MYO15A: variants seen among roughly 807,000 people sequenced by gnomAD.
MYO15A encodes the protein unconventional myosin-XV.
A neutral mutation model predicts 394.6 loss-of-function variants in MYO15A; 308 were observed. That is an observed-to-expected ratio of 0.78 (90% CI 0.71 to 0.86). MYO15A has a LOEUF of 0.86. Ranked by LOEUF, MYO15A falls within the 40% of genes least tolerant of loss-of-function variation. The pLI, the probability that MYO15A is intolerant of heterozygous loss-of-function variation, is 0.00. For missense variants in MYO15A, 4,606 were observed against 4,799.1 expected (o/e 0.96, Z 1.19); for synonymous variants, 1,957 against 2,003.8 (o/e 0.98, Z 0.62).
chr17:18,110,159 C>T (rs573334265), intron 1 of MYO15A: 1 of 152,592 alleles, frequency 6.6e-6, no homozygotes, highest in South Asian at 2.1e-4. Context: ...CCAAGCCAAC[C>T]CCAAGACTAC....
At chr17:18,126,214 A>G in intron 4 of MYO15A, 133 bp from the exon 5 acceptor site, 2 of 760,960 alleles carry the variant, frequency 2.6e-6, no homozygotes, top group Non-Finnish European at 4.6e-6. Context: ...AGGGCTCTAG[A>G]TGGGAATCCC....
rs2046059700 is a variant in MYO15A at position 18,127,096 on chromosome 17, A to C, written c.3963A>C (p.Lys1321Asn). 6.2e-7 allele frequency: 1 copy of C among 1,613,828 alleles called. No homozygotes were observed. The highest frequency in any genetic ancestry group is 8.5e-7 in the Non-Finnish European group (1 of 1,179,966). ...IIISGESGSG[K>N]TEATKLILRY... Reference sequence around the variant, plus strand: ...TCAGTGGAGAGAGCGGCTCTGGCAAAACTGAGGCCACCAAGCTGATTCTGC... The same window carrying C: ...TCAGTGGAGAGAGCGGCTCTGGCAACACTGAGGCCACCAAGCTGATTCTGC... The change falls in exon 7 of 66, where the codon AAA (lysine) becomes AAC (asparagine). Residue 1321 changes from lysine (K) to asparagine (N), a missense_variant. Transcript: ENST00000647165.
In MYO15A at chr17:18,149,598, T is replaced by C. The variant is rs1467248064; in HGVS notation, c.7212+18T>C. 4.3e-6 allele frequency: 7 copies of C among 1,611,662 alleles called. No homozygotes were observed. The South Asian group carries it at 5.5e-5, about 13-fold the overall frequency. On this transcript the variant is annotated intron_variant, in intron 35 of 65. Transcript: ENST00000647165. ...GGGATGCGGTAGGGATGGTGTGGGG[T>C]GGGTCATTTGCAGACAGCAGGCACA...
intron 12 of MYO15A, among the ~76,000 whole-genome samples, chr17:18,133,621 T>A (rs1185062793): frequency 6.6e-6 from 1 of 152,246 alleles, no homozygotes; most frequent in African/African-American, 2.4e-5. Context: ...ATTTATGTTT[T>A]AACTTTGTTT....
Position 18,157,815 on chromosome 17 carries a change from C to G in MYO15A, c.8882C>G (p.Thr2961Arg), listed in dbSNP as rs1347316160. 1 of 1,599,538 alleles carries G rather than the reference C, an allele frequency of 6.3e-7. No individual in the cohort carries two copies. The highest frequency in any genetic ancestry group is 8.5e-7 in the Non-Finnish European group (1 of 1,178,070). The change falls in exon 51 of 66, where the codon ACG becomes AGG. Residue 2961 changes from threonine to arginine, a missense_variant. This residue lies in a region of MYO15A where 2,776 missense variants were observed against 3,109.3 expected (regional missense o/e 0.89). Transcript: ENST00000647165. ...AAAPDFLQLP[T>R]EPGRGRAAAV... Reference sequence around the variant, plus strand: ...GCCCCCGACTTCCTGCAGCTGCCAACGGAGCCAGGCCGCGGCCGAGCAGCC... The same window carrying G: ...GCCCCCGACTTCCTGCAGCTGCCAAGGGAGCCAGGCCGCGGCCGAGCAGCC...
In MYO15A at chr17:18,119,500, G is replaced by C. The variant is rs767935511; in HGVS notation, c.700G>C (p.Glu234Gln). The C allele has an allele frequency of 9.9e-6, 16 of 1,612,276 alleles. No homozygotes were observed. The highest frequency in any genetic ancestry group is 1.4e-5 in the Non-Finnish European group (16 of 1,179,996). The change falls in exon 2 of 66, where the codon GAG becomes CAG. Residue 234 changes from glutamate to glutamine, a missense_variant. Coordinates refer to ENST00000647165, the MANE Select transcript of MYO15A (RefSeq NM_016239.4). ...GCTTGAGGGCTTCCAGGACCTGGGC[G>C]AGTATTATGACTATCACCGCGACGG... is the stretch of plus-strand genomic sequence containing the variant. The part of the protein sequence containing the change: ...YGLEGFQDLG[E>Q]YYDYHRDGDD...
rs989948880 is a variant in MYO15A at position 18,178,999 on chromosome 17, A to G, written c.*129A>G. 1 of 908,532 alleles carries G rather than the reference A, an allele frequency of 1.1e-6. No individual in the cohort carries two copies. The highest frequency in any genetic ancestry group is 1.7e-6 in the Non-Finnish European group (1 of 576,148). The allele number at this position is 908,532 out of a possible 1,614,324, so 56.3% of individuals were successfully genotyped here. ...GCCTTGGAGGACACTAAGAGGAGGC[A>G]GGAGGAGCAACTCAAATCCCCAAGA... is the stretch of plus-strand genomic sequence containing the variant. On this transcript the variant is annotated 3_prime_UTR_variant, in exon 66 of 66. Coordinates refer to ENST00000647165, the MANE Select transcript of MYO15A (RefSeq NM_016239.4).
intron 60 of MYO15A, chr17:18,164,863 G>A (rs1164563519): frequency 8.7e-6 from 1 of 114,776 alleles, no homozygotes; most frequent in African/African-American, 3.4e-5. Flanking sequence ...AAAAAAGCCA[G>A]GTGTGGTGGC....
intron 17 of MYO15A, 58 bp downstream of exon 17, chr17:18,138,304 C>T (rs911700929): frequency 3.0e-5 from 47 of 1,582,910 alleles, no homozygotes; most frequent in African/African-American, 1.6e-4. Flanking sequence ...GCCTCATGTC[C>T]TCATCCCACC....
rs748158850 is a variant in MYO15A at position 18,140,842 on chromosome 17, A to G, written c.5406+10A>G. ...GCCCAACCACAAGAAGGTGAGTGAG[A>G]GCTGAGGCCTCTGAGAGAGCCAAAT... On this transcript the variant is annotated intron_variant, in intron 21 of 65. Coordinates refer to ENST00000647165, the MANE Select transcript of MYO15A (RefSeq NM_016239.4). 1.2e-6 allele frequency: 2 copies of G among 1,614,030 alleles called. No individual in the cohort carries two copies. Among genetic ancestry groups the G allele is most frequent in the Non-Finnish European group, 1.7e-6 (2 of 1,180,034 alleles).
Position 18,144,800 on chromosome 17 carries a change from C to CAA in MYO15A, c.6273+226_6273+227dup, listed in dbSNP as rs35437143. 0.24 allele frequency among the ~76,000 whole-genome samples: 27,606 copies of CAA among 116,824 alleles called. 3,466 individuals carry two copies. Among genetic ancestry groups the CAA allele is most frequent in the East Asian group, 0.56 (2,230 of 4,012 alleles). The allele number at this position is 116,824 out of a possible 152,430, so 76.6% of individuals were successfully genotyped here. The stretch of plus-strand genomic sequence containing the variant: ...TTTCTTCTCCCAGCCATCTTCCTGG[C>CAA]AAAAAAAAAAAAAAAAAAATTCTGC... On this transcript the variant is annotated intron_variant, in intron 29 of 65. Coordinates refer to ENST00000647165, the MANE Select transcript of MYO15A (RefSeq NM_016239.4).
Position 18,138,178 on chromosome 17 carries a change from A to C in MYO15A, c.4939A>C (p.Ile1647Leu). The C allele has an allele frequency of 6.2e-7, 1 of 1,613,812 alleles. No individual in the cohort carries two copies. Among genetic ancestry groups the C allele is most frequent in the Non-Finnish European group, 8.5e-7 (1 of 1,179,992 alleles). ...EITFADNQPCINLISLKPYGI... is the reference protein window; with the variant it reads ...EITFADNQPCLNLISLKPYGI... ...CACCTTTGCTGACAACCAGCCCTGC[A>C]TCAACCTCATCTCACTGAAGCCTTA... Residue 1647 changes from isoleucine (I) to leucine (L), a missense_variant, in exon 17 of 66, where the codon ATC becomes CTC. This residue lies in a region of MYO15A where 2,776 missense variants were observed against 3,109.3 expected (regional missense o/e 0.89). Coordinates refer to ENST00000647165, the MANE Select transcript of MYO15A (RefSeq NM_016239.4).
chr17:18,173,631 G>C, intron 64 of MYO15A, 150 bp from the exon 65 acceptor site: 1 of 1,011,670 alleles, frequency 9.9e-7, no homozygotes, highest in Non-Finnish European at 1.5e-6. Flanking sequence ...AAAGTGATTT[G>C]CTCAAGGTCA....
At position 18,136,640 on chromosome 17, in the gene MYO15A, G is replaced by A. The variant is rs1413480370; in HGVS notation, c.4733G>A (p.Arg1578Lys). Reference protein sequence around the residue: ...ITRVNALVSPRQDTLSIAILD... With the variant: ...ITRVNALVSPKQDTLSIAILD... ...AGGGTCAACGCGCTGGTGTCCCCAAGGCAGGACACACTGTCCATCGCCATC... is the reference window on the plus strand; with the variant it reads ...AGGGTCAACGCGCTGGTGTCCCCAAAGCAGGACACACTGTCCATCGCCATC... The change falls in exon 15 of 66, where the codon AGG (arginine) becomes AAG (lysine). Residue 1578 changes from arginine (R) to lysine (K), a missense_variant. By Grantham distance (26) the Arg-to-Lys change is conservative. This residue lies in a region of MYO15A where 2,776 missense variants were observed against 3,109.3 expected (regional missense o/e 0.89). Transcript: ENST00000647165. 1 of 1,613,284 alleles carries A rather than the reference G, an allele frequency of 6.2e-7. No individual in the cohort carries two copies. Among genetic ancestry groups the A allele is most frequent in the African/African-American group, 1.3e-5 (1 of 75,064 alleles).
Position 18,162,642 on chromosome 17 carries a change from T to C in MYO15A, c.9575T>C (p.Leu3192Pro). The C allele has an allele frequency of 1.2e-6, 2 of 1,613,968 alleles. No individual in the cohort carries two copies. The highest frequency in any genetic ancestry group is 2.2e-5 in the East Asian group (1 of 44,850). Reference sequence around the variant, plus strand: ...AAAACCTTGCGCTTCGGAGGTCGTCTGGAGCTCCCCAGCAGCATAGAGCTT... The same window carrying C: ...AAAACCTTGCGCTTCGGAGGTCGTCCGGAGCTCCCCAGCAGCATAGAGCTT... ...LQKTLRFGGRLELPSSIELRA... is the reference protein window; with the variant it reads ...LQKTLRFGGRPELPSSIELRA... Residue 3192 changes from leucine (L) to proline (P), a missense_variant, in exon 58 of 66, where the codon CTG becomes CCG. Physicochemically the swap from Leu to Pro is moderately conservative, Grantham distance 98 (BLOSUM62 -3). This residue lies in a region of MYO15A where 2,776 missense variants were observed against 3,109.3 expected (regional missense o/e 0.89). Coordinates refer to ENST00000647165, the MANE Select transcript of MYO15A (RefSeq NM_016239.4).
intron 47 of MYO15A, 70 bp from the exon 48 acceptor site, chr17:18,156,125 G>A: frequency 6.2e-7 from 1 of 1,611,202 alleles, no homozygotes; most frequent in East Asian, 2.2e-5. Context: ...GACAGGATCA[G>A]AAGCAGCACA....
chr17:18,144,536 C>T lies in MYO15A; in HGVS notation c.6217C>T (p.Pro2073Ser), dbSNP rs371604438. The change falls in exon 29 of 66, where the codon CCC becomes TCC. Residue 2073 changes from proline (P) to serine (S), a missense_variant. This residue lies in a region of MYO15A where 2,776 missense variants were observed against 3,109.3 expected (regional missense o/e 0.89). Transcript: ENST00000647165. ...GATGCTGACAGTGCCCCTGAGGACA[C>T]CCCTCACGCAGCTGCCAGCCGAGCA... ...FGMLTVPLRTPLTQLPAEHHA... is the reference protein window; with the variant it reads ...FGMLTVPLRTSLTQLPAEHHA... The T allele has an allele frequency of 6.2e-7, 1 of 1,613,346 alleles. No individual in the cohort carries two copies. Among genetic ancestry groups the T allele is most frequent in the South Asian group, 1.1e-5 (1 of 91,086 alleles).
In MYO15A at chr17:18,138,955, G is replaced by A. The variant is rs374165077; in HGVS notation, c.5133+19G>A. 3.2e-5 allele frequency: 51 copies of A among 1,608,178 alleles called. 1 individual carries two copies. Among genetic ancestry groups the A allele is most frequent in the South Asian group, 2.2e-4 (20 of 90,122 alleles). ...CTACCAGGTGAGCCCTAAGACAGTC[G>A]GCCTGGACGCTGGTGCTGCAGTGCT... On this transcript the variant is annotated intron_variant, in intron 18 of 65. Coordinates refer to ENST00000647165, the MANE Select transcript of MYO15A (RefSeq NM_016239.4).
At chr17:18,162,564 C>G (rs750746709) in intron 57 of MYO15A, 21 bp from the exon 58 acceptor site, 2 of 1,612,610 alleles carry the variant, frequency 1.2e-6, no homozygotes, top group Non-Finnish European at 1.7e-6. Flanking sequence ...TGGGCGAGGC[C>G]TGAACTCCCT....
Sources: gnomAD v4.1 joint callset for allele counts (sites outside exome capture counted in the v4.1 genomes callset) on GRCh38, gnomAD v4.1.1 for gene constraint, gnomAD v4.1.1 regional missense constraint, MANE v1.5 for transcripts, NCBI Gene and HGNC (gene_info 2026-07-23, HGNC 2026-07-21) for gene names.